Variants in ADAMTS12 observed in about 807,000 individuals in gnomAD.
ADAMTS12 encodes the protein A disintegrin and metalloproteinase with thrombospondin motifs 12.
ADAMTS12 carries 118 observed loss-of-function variants against 167.8 expected under a neutral mutation model. The ratio of observed to expected loss-of-function variants is 0.70; its 90% CI spans 0.61 to 0.82. The LOEUF (loss-of-function observed/expected upper bound fraction) is 0.82. Among genes scored for constraint, ADAMTS12 ranks in the 40% least tolerant of loss-of-function variants. ADAMTS12 has a pLI of 0.00. For synonymous variants in ADAMTS12, 704 were observed against 716.9 expected (o/e 0.98, Z 0.29); for missense variants, 1,916 against 1,998.8 (o/e 0.96, Z 0.79).
Position 33,861,267 on chromosome 5 carries a change from G to A in ADAMTS12, c.489+19852C>T, listed in dbSNP as rs1386510669. Among the ~76,000 whole-genome samples, 8 of 152,116 alleles carry A rather than the reference G, an allele frequency of 5.3e-5. No homozygotes were observed. In the South Asian group the frequency reaches 1.7e-3, roughly 32 times the overall value. On this transcript the variant is annotated intron_variant, in intron 2 of 23. Transcript: ENST00000504830. ...GGATAGAGTCAAGACCCATCAATGC[G>A]CTGTATTCAGAAGACCAATCTCACA... is the stretch of plus-strand genomic sequence containing the variant.
At chr5:33,776,478 T>C (rs1345349559) in intron 2 of ADAMTS12, among the ~76,000 whole-genome samples, 1 of 152,096 alleles carries the variant, frequency 6.6e-6, no homozygotes, top group Non-Finnish European at 1.5e-5. Flanking sequence ...CCTGAATCCA[T>C]GGATCAAGAT....
chr5:33,635,052 G>A (rs1049851837), intron 12 of ADAMTS12, among the ~76,000 whole-genome samples: 2 of 152,078 alleles, frequency 1.3e-5, no homozygotes, highest in South Asian at 2.1e-4. Context: ...ATTAGGGTAA[G>A]TGCAGTAATG....
intron 2 of ADAMTS12, among the ~76,000 whole-genome samples, chr5:33,821,560 C>A (rs547335628): frequency 6.6e-6 from 1 of 152,238 alleles, no homozygotes; most frequent in Non-Finnish European, 1.5e-5. Context: ...AGAAATTGCC[C>A]TCTGAACACT....
At chr5:33,687,083 C>T (rs1344862969) in intron 3 of ADAMTS12, among the ~76,000 whole-genome samples, 1 of 71,396 alleles carries the variant, frequency 1.4e-5, no homozygotes, top group Non-Finnish European at 3.8e-5. Context: ...CTAACTAAGA[C>T]ATGAGTTTTT....
intron 2 of ADAMTS12, among the ~76,000 whole-genome samples, chr5:33,847,480 G>C (rs962891011): frequency 6.6e-6 from 1 of 152,008 alleles, no homozygotes; most frequent in African/African-American, 2.4e-5. Flanking sequence ...AAAATTAGCC[G>C]GGCAAGGTGG....
At chr5:33,646,111 G>A (rs1447110443) in intron 9 of ADAMTS12, among the ~76,000 whole-genome samples, 2 of 152,182 alleles carry the variant, frequency 1.3e-5, no homozygotes, top group African/African-American at 4.8e-5. Context: ...GTTCACGACA[G>A]ATAAACATGG....
chr5:33,824,031 T>C (rs954057454), intron 2 of ADAMTS12, among the ~76,000 whole-genome samples: 2 of 152,172 alleles, frequency 1.3e-5, no homozygotes, highest in South Asian at 2.1e-4. Flanking sequence ...CAATAAAGCT[T>C]GTTGAAAAAG....
intron 1 of ADAMTS12, among the ~76,000 whole-genome samples, chr5:33,882,300 T>C (rs950628037): frequency 1.3e-5 from 2 of 152,126 alleles, no homozygotes; most frequent in African/African-American, 2.4e-5. Context: ...AAAGAGTGCA[T>C]AAAAGAAGCT....
chr5:33,541,478 A>G (rs982666396), intron 22 of ADAMTS12, among the ~76,000 whole-genome samples: 6 of 152,346 alleles, frequency 3.9e-5, no homozygotes, highest in African/African-American at 1.4e-4. Context: ...CAGGAAATAC[A>G]GAGAACACCA....
chr5:33,694,448 G>C (rs1035504056), intron 3 of ADAMTS12, among the ~76,000 whole-genome samples: 13 of 152,122 alleles, frequency 8.5e-5, no homozygotes, highest in Admixed American at 6.5e-4. Context: ...TAGACCTAGG[G>C]AAACAAGCAA....
At chr5:33,573,372 A>C (rs1746495317) in intron 19 of ADAMTS12, among the ~76,000 whole-genome samples, 1 of 152,370 alleles carries the variant, frequency 6.6e-6, no homozygotes, top group Middle Eastern at 3.4e-3. Context: ...ACAGTAATCA[A>C]AACAGCATGG....
At chr5:33,806,093 A>T (rs1338300222) in intron 2 of ADAMTS12, among the ~76,000 whole-genome samples, 1 of 152,226 alleles carries the variant, frequency 6.6e-6, no homozygotes, top group Non-Finnish European at 1.5e-5. Context: ...TTTAAAATTC[A>T]TTATTTATTC....
chr5:33,698,034 T>C (rs1042229157), intron 3 of ADAMTS12, among the ~76,000 whole-genome samples: 3 of 152,148 alleles, frequency 2.0e-5, no homozygotes, highest in Non-Finnish European at 2.9e-5. Flanking sequence ...AGCAGGTCTT[T>C]GGGGGTGTGC....
In ADAMTS12 at chr5:33,524,167, C is replaced by T. The variant is rs2111696596; in HGVS notation, c.*3021G>A. The T allele has an allele frequency of 6.6e-6, 1 of 152,384 alleles. No individual in the cohort carries two copies. The highest frequency in any genetic ancestry group is 1.5e-5 in the Non-Finnish European group (1 of 68,020). The allele number at this position is 152,384 out of a possible 1,614,324, so 9.4% of individuals were successfully genotyped here. Reference sequence around the variant, plus strand: ...TCTCAGGAGATTGGACGGAGGTGTGCTCTTCTTTAAGAAAACCCATCACAA... The same window carrying T: ...TCTCAGGAGATTGGACGGAGGTGTGTTCTTCTTTAAGAAAACCCATCACAA... On this transcript the variant is annotated 3_prime_UTR_variant, in exon 24 of 24. Coordinates refer to ENST00000504830, the MANE Select transcript of ADAMTS12 (RefSeq NM_030955.4).
intron 2 of ADAMTS12, among the ~76,000 whole-genome samples, chr5:33,788,948 G>T (rs1282047505): frequency 6.6e-6 from 1 of 152,178 alleles, no homozygotes; most frequent in East Asian, 1.9e-4. Flanking sequence ...GCTCAGCAGA[G>T]GTTCTTCCCT....
chr5:33,566,734 C>A (rs1746034492), intron 19 of ADAMTS12, among the ~76,000 whole-genome samples: 1 of 152,230 alleles, frequency 6.6e-6, no homozygotes. Context: ...AATCCTTTTT[C>A]TTCTTCTGGG....
At chr5:33,700,900 C>T (rs909872773) in intron 3 of ADAMTS12, among the ~76,000 whole-genome samples, 8 of 152,158 alleles carry the variant, frequency 5.3e-5, no homozygotes, top group Non-Finnish European at 1.0e-4. Flanking sequence ...TAGGCTCACA[C>T]AATAATAGCT....
At chr5:33,864,008 A>G (rs1749719185) in intron 2 of ADAMTS12, among the ~76,000 whole-genome samples, 1 of 152,258 alleles carries the variant, frequency 6.6e-6, no homozygotes, top group Non-Finnish European at 1.5e-5. Context: ...CCATATGCAG[A>G]AAACTGAAAC....
rs549131028 is a variant in ADAMTS12 at position 33,633,892 on chromosome 5, T to C, written c.1889-2979A>G. On this transcript the variant is annotated intron_variant, in intron 12 of 23. Coordinates refer to ENST00000504830, the MANE Select transcript of ADAMTS12 (RefSeq NM_030955.4). ...TTTTTTAGGGTCATGTGATTTTTTT[T>C]CCCTCTAGCTTTCAAAAGCTTTCAA... Among the ~76,000 whole-genome samples, 57 of 152,218 alleles carry C rather than the reference T, an allele frequency of 3.7e-4. No homozygotes were observed. In the South Asian group the frequency reaches 0.011, roughly 29 times the overall value.
Sources: gnomAD v4.1 joint callset for allele counts (sites outside exome capture counted in the v4.1 genomes callset) on GRCh38, gnomAD v4.1.1 for gene constraint, MANE v1.5 for transcripts, NCBI Gene and HGNC (gene_info 2026-07-23, HGNC 2026-07-21) for gene names.